Variants in NYAP2 observed in about 807,000 individuals in gnomAD.
NYAP2 encodes the protein neuronal tyrosine-phosphorylated phosphoinositide-3-kinase adapter 2.
In NYAP2, 23 loss-of-function variants were observed where a neutral mutation model predicts 50.4. That is an observed-to-expected ratio of 0.46 (90% CI 0.33 to 0.65). NYAP2 has a LOEUF of 0.65. Ranked by LOEUF, NYAP2 falls within the 30% of genes least tolerant of loss-of-function variation. NYAP2 has a pLI of 0.02. For synonymous variants in NYAP2, 394 were observed against 365.2 expected (o/e 1.08, Z -0.90); for missense variants, 885 against 861.0 (o/e 1.03, Z -0.35).
intron 3 of NYAP2, among the ~76,000 whole-genome samples, chr2:225,442,599 A>G (rs1471496779): frequency 6.6e-6 from 1 of 152,122 alleles, no homozygotes; most frequent in African/African-American, 2.4e-5. Context: ...TTTTTGAGAC[A>G]GAGTCTCTGT....
chr2:225,555,255 G>T (rs1322628726), intron 4 of NYAP2, among the ~76,000 whole-genome samples: 1 of 152,038 alleles, frequency 6.6e-6, no homozygotes, highest in Non-Finnish European at 1.5e-5. Flanking sequence ...CAAGCGTTTT[G>T]TTTTTTATGT....
chr2:225,489,001 C>CA (rs1372108884), intron 3 of NYAP2, among the ~76,000 whole-genome samples: 1 of 152,148 alleles, frequency 6.6e-6, no homozygotes, highest in Non-Finnish European at 1.5e-5. Flanking sequence ...AGAATCCAGG[C>CA]AGAAGAACTG....
At chr2:225,424,912 A>G (rs1050761891) in intron 3 of NYAP2, among the ~76,000 whole-genome samples, 1 of 152,196 alleles carries the variant, frequency 6.6e-6, no homozygotes, top group Non-Finnish European at 1.5e-5. Flanking sequence ...CGGGAAAAGA[A>G]ATCTGTGTAG....
intron 4 of NYAP2, among the ~76,000 whole-genome samples, chr2:225,543,885 GC>G (rs911662075): frequency 8.6e-5 from 13 of 151,942 alleles, no homozygotes; most frequent in Non-Finnish European, 1.3e-4. Flanking sequence ...TTGTATTAGG[GC>G]CTGTCTCTCT....
At chr2:225,557,350 G>A (rs2106213527) in intron 4 of NYAP2, among the ~76,000 whole-genome samples, 1 of 152,200 alleles carries the variant, frequency 6.6e-6, no homozygotes, top group South Asian at 2.1e-4. Flanking sequence ...TTTACACCAT[G>A]AAGATATAGC....
chr2:225,603,918 C>A lies in NYAP2; in HGVS notation c.1618+20883C>A, dbSNP rs17482489. Among the ~76,000 whole-genome samples the A allele has an allele frequency of 4.6e-5, 7 of 152,072 alleles. No homozygotes were observed. In the East Asian group the frequency reaches 1.2e-3, roughly 25 times the overall value. ...AATGGATATTGAAACCCTCTGAGAC[C>A]TTCATTTTTTTACTTTGATTTTGCC... On this transcript the variant is annotated intron_variant, in intron 5 of 6. Coordinates refer to ENST00000636099, the Ensembl canonical transcript of NYAP2.
At chr2:225,491,922 A>C (rs1014609241) in intron 3 of NYAP2, among the ~76,000 whole-genome samples, 1 of 152,202 alleles carries the variant, frequency 6.6e-6, no homozygotes, top group African/African-American at 2.4e-5. Context: ...GTAGTGAAAG[A>C]CTTAAAAAAC....
chr2:225,459,745 C>T (rs978720213), intron 3 of NYAP2, among the ~76,000 whole-genome samples: 3 of 151,902 alleles, frequency 2.0e-5, no homozygotes, highest in Non-Finnish European at 2.9e-5. Context: ...CCGGGTTCTC[C>T]CCATTCTCCT....
intron 3 of NYAP2, among the ~76,000 whole-genome samples, chr2:225,421,885 C>T (rs1461964566): frequency 6.6e-6 from 1 of 152,188 alleles, no homozygotes; most frequent in Non-Finnish European, 1.5e-5. Flanking sequence ...TTTACAACCC[C>T]TATCAGTACC....
the NYAP2 span, among the ~76,000 whole-genome samples, chr2:225,676,950 T>C: frequency 1.3e-5 from 2 of 152,196 alleles, no homozygotes; most frequent in African/African-American, 2.4e-5. Context: ...ACAAATGATA[T>C]TGGCATTTTG....
chr2:225,601,189 T>G (rs1692684648), intron 5 of NYAP2, among the ~76,000 whole-genome samples: 1 of 151,294 alleles, frequency 6.6e-6, no homozygotes, highest in Non-Finnish European at 1.5e-5. Context: ...GACGCGATCT[T>G]GGCTCACTGC....
intron 6 of NYAP2, among the ~76,000 whole-genome samples, chr2:225,628,739 A>C (rs1693256899): frequency 6.6e-6 from 1 of 152,156 alleles, no homozygotes; most frequent in African/African-American, 2.4e-5. Context: ...GAATTATCAA[A>C]ATTTGTACCA....
At chr2:225,579,364 C>G (rs1692230285) in intron 4 of NYAP2, among the ~76,000 whole-genome samples, 4 of 152,208 alleles carry the variant, frequency 2.6e-5, no homozygotes, top group Non-Finnish European at 4.4e-5. Flanking sequence ...CCGTGTCATA[C>G]AACATCTATA....
At chr2:225,681,302 G>C in the NYAP2 span, among the ~76,000 whole-genome samples, 4 of 152,160 alleles carry the variant, frequency 2.6e-5, no homozygotes, top group South Asian at 4.1e-4. Flanking sequence ...TCTATCCTAA[G>C]AGAGACATAA....
At chr2:225,619,336 A>G (rs904824626) in intron 5 of NYAP2, among the ~76,000 whole-genome samples, 1 of 152,222 alleles carries the variant, frequency 6.6e-6, no homozygotes, top group African/African-American at 2.4e-5. Context: ...GAGAGAGAAT[A>G]GTGCTGCCAG....
intron 5 of NYAP2, among the ~76,000 whole-genome samples, chr2:225,584,215 C>T (rs1332912874): frequency 6.6e-6 from 1 of 152,130 alleles, no homozygotes; most frequent in Non-Finnish European, 1.5e-5. Context: ...TGAACATAGA[C>T]CCATTATTTT....
chr2:225,483,032 T>C (rs892521174), intron 3 of NYAP2, among the ~76,000 whole-genome samples: 1 of 152,228 alleles, frequency 6.6e-6, no homozygotes, highest in African/African-American at 2.4e-5. Context: ...ATAGTGCACC[T>C]GTTTGAATAT....
rs570469421 is a variant in NYAP2, at chr2:225,523,132, T to C, written c.523+9460T>C. Among the ~76,000 whole-genome samples the C allele has an allele frequency of 1.1e-4, 16 of 152,206 alleles. 1 individual carries two copies. Among genetic ancestry groups the C allele is most frequent in the Middle Eastern group, 3.4e-3 (1 of 294 alleles). On this transcript the variant is annotated intron_variant, in intron 4 of 6. Coordinates refer to ENST00000636099, the Ensembl canonical transcript of NYAP2. Reference sequence around the variant, plus strand: ...CAGTCAGGGCCAGCCACATATTTGATTTTGCTTTCTCAGTTCCTAGTGCAG... The same window carrying C: ...CAGTCAGGGCCAGCCACATATTTGACTTTGCTTTCTCAGTTCCTAGTGCAG...
At chr2:225,460,033 AC>A (rs1689801828) in intron 3 of NYAP2, among the ~76,000 whole-genome samples, 1 of 152,198 alleles carries the variant, frequency 6.6e-6, no homozygotes, top group Admixed American at 6.5e-5. Flanking sequence ...ATTAGAAAGT[AC>A]TAGCAATTGA....
Sources: gnomAD v4.1 joint callset for allele counts (sites outside exome capture counted in the v4.1 genomes callset) on GRCh38, gnomAD v4.1.1 for gene constraint, MANE v1.5 for transcripts, NCBI Gene and HGNC (gene_info 2026-07-23, HGNC 2026-07-21) for gene names.